The following PDZD2 variants were observed in gnomAD, a reference collection of about 807,000 sequenced individuals.
PDZD2 encodes the protein PDZ domain-containing protein 2.
In PDZD2, 90 loss-of-function variants were observed where a neutral mutation model predicts 220.7. The ratio of observed to expected loss-of-function variants is 0.41; its 90% CI spans 0.34 to 0.49. PDZD2 has a LOEUF of 0.49. Among genes scored for constraint, PDZD2 ranks in the 20% least tolerant of loss-of-function variants. PDZD2 has a pLI of 0.28. For synonymous variants in PDZD2, 1,375 were observed against 1,450.5 expected (o/e 0.95, Z 1.18); for missense variants, 3,174 against 3,608.5 (o/e 0.88, Z 3.08).
At chr5:32,013,549 C>T (rs1243602882) in intron 6 of PDZD2, among the ~76,000 whole-genome samples, 2 of 152,148 alleles carry the variant, frequency 1.3e-5, no homozygotes, top group Non-Finnish European at 2.9e-5. Flanking sequence ...TTTGTCATAA[C>T]ACACTAGATT....
At chr5:32,101,051 G>A (rs1744212880) in intron 23 of PDZD2, 54 bp from the exon 24 acceptor site, 1 of 1,610,384 alleles carries the variant, frequency 6.2e-7, no homozygotes, top group Non-Finnish European at 8.5e-7. Context: ...ACTTGGACAT[G>A]TGGCATGATG....
At chr5:32,062,039 G>A (rs921740907) in intron 14 of PDZD2, among the ~76,000 whole-genome samples, 4 of 152,148 alleles carry the variant, frequency 2.6e-5, no homozygotes, top group Non-Finnish European at 4.4e-5. Context: ...GGGATTAAAG[G>A]TGTGAGCCAC....
intron 3 of PDZD2, among the ~76,000 whole-genome samples, chr5:31,991,704 T>C (rs1751222385): frequency 6.6e-6 from 1 of 152,212 alleles, no homozygotes; most frequent in African/African-American, 2.4e-5. Flanking sequence ...TATTTTTTAC[T>C]GAACGTTGCT....
chr5:31,720,073 C>T (rs899024683), intron 1 of PDZD2, among the ~76,000 whole-genome samples: 1 of 152,248 alleles, frequency 6.6e-6, no homozygotes, highest in South Asian at 2.1e-4. Context: ...CAAGACACTA[C>T]TTTAACCTGC....
rs10652328 is a variant in PDZD2, at chr5:31,703,957, TTC to T, written c.-361+64538_-361+64539del. 2.9e-3 allele frequency among the ~76,000 whole-genome samples: 432 copies of T among 149,346 alleles called. 2 individuals carry two copies. The highest frequency in any genetic ancestry group is 0.01 in the Middle Eastern group (3 of 286). On this transcript the variant is annotated intron_variant, in intron 1 of 24. Coordinates refer to ENST00000438447, the MANE Select transcript of PDZD2 (RefSeq NM_178140.4). ...CCTCTCTCTCTCTCTTTCTCTCTCTTTCTCTCTCTCTCTCTCTCTTTCTTTCC... is the reference window on the plus strand; with the variant it reads ...CCTCTCTCTCTCTCTTTCTCTCTCTTTCTCTCTCTCTCTCTCTTTCTTTCC...
At chr5:31,964,181 C>G (rs889612765) in intron 2 of PDZD2, among the ~76,000 whole-genome samples, 1 of 152,214 alleles carries the variant, frequency 6.6e-6, no homozygotes, top group Non-Finnish European at 1.5e-5. Context: ...CACAGCAGAC[C>G]AGTTTAACTA....
intron 2 of PDZD2, among the ~76,000 whole-genome samples, chr5:31,968,241 C>G (rs1166802130): frequency 6.6e-6 from 1 of 152,072 alleles, no homozygotes; most frequent in East Asian, 1.9e-4. Flanking sequence ...GTCTGTAATC[C>G]CATCTACTCG....
intron 2 of PDZD2, among the ~76,000 whole-genome samples, chr5:31,887,941 A>C (rs1162740080): frequency 6.6e-6 from 1 of 151,790 alleles, no homozygotes; most frequent in Non-Finnish European, 1.5e-5. Context: ...TCGGGGAGGG[A>C]GTGGGAGTTG....
intron 2 of PDZD2, among the ~76,000 whole-genome samples, chr5:31,924,843 A>G (rs951942686): frequency 2.0e-5 from 3 of 152,358 alleles, no homozygotes; most frequent in Middle Eastern, 6.8e-3. Context: ...ATTGGCCCAG[A>G]AAATTCCTTA....
chr5:32,075,631 A>T (rs1581431609), intron 18 of PDZD2, among the ~76,000 whole-genome samples: 1 of 152,234 alleles, frequency 6.6e-6, no homozygotes, highest in African/African-American at 2.4e-5. Context: ...GTTCATTTTT[A>T]AAAATGTTCA....
chr5:31,774,404 A>G (rs542596211), intron 1 of PDZD2, among the ~76,000 whole-genome samples: 13 of 152,158 alleles, frequency 8.5e-5, no homozygotes, highest in South Asian at 8.3e-4. Context: ...AAAAAAGAAA[A>G]CAAAGAAGAT....
At chr5:31,774,582 G>A (rs1267516089) in intron 1 of PDZD2, among the ~76,000 whole-genome samples, 2 of 151,864 alleles carry the variant, frequency 1.3e-5, no homozygotes, top group Non-Finnish European at 2.9e-5. Context: ...CGGGTGTGGT[G>A]GTGCACGCCT....
chr5:32,014,651 GA>G (rs56868303), intron 6 of PDZD2, among the ~76,000 whole-genome samples: 32,598 of 148,796 alleles, frequency 0.22, 4,147 homozygotes, highest in Admixed American at 0.29. Context: ...TGTTCTACCT[GA>G]TTGGCAGTTC....
At chr5:31,849,105 C>A (rs1757771923) in intron 2 of PDZD2, among the ~76,000 whole-genome samples, 1 of 152,152 alleles carries the variant, frequency 6.6e-6, no homozygotes, top group Non-Finnish European at 1.5e-5. Flanking sequence ...ATGATTATTT[C>A]CCCAGGCAAT....
At chr5:32,093,284 AC>A (rs1370885854) in intron 21 of PDZD2, among the ~76,000 whole-genome samples, 2 of 152,206 alleles carry the variant, frequency 1.3e-5, no homozygotes, top group Non-Finnish European at 2.9e-5. Context: ...GCAACTAGTT[AC>A]CATTCTCCTA....
intron 2 of PDZD2, among the ~76,000 whole-genome samples, chr5:31,949,327 C>T (rs1316640653): frequency 6.6e-6 from 1 of 151,912 alleles, no homozygotes; most frequent in Non-Finnish European, 1.5e-5. Flanking sequence ...CACTTCAAAC[C>T]CCAGTTCCCC....
intron 2 of PDZD2, among the ~76,000 whole-genome samples, chr5:31,850,375 G>T (rs1580891485): frequency 7.0e-6 from 1 of 142,086 alleles, no homozygotes; most frequent in East Asian, 2.0e-4. Flanking sequence ...CATTCTCATG[G>T]CACCTTGTTT....
At chr5:32,032,421 G>A (rs1039937138) in intron 6 of PDZD2, among the ~76,000 whole-genome samples, 2 of 152,132 alleles carry the variant, frequency 1.3e-5, no homozygotes, top group East Asian at 1.9e-4. Context: ...TCTCTCGGTC[G>A]TTCCTTGGGC....
intron 2 of PDZD2, among the ~76,000 whole-genome samples, chr5:31,891,821 G>A (rs1334237869): frequency 1.3e-5 from 2 of 152,212 alleles, no homozygotes; most frequent in African/African-American, 2.4e-5. Context: ...TGGAGCCAAG[G>A]AGAGTGAAGA....
Sources: allele counts gnomAD v4.1 joint callset (sites outside exome capture counted in the v4.1 genomes callset), GRCh38; gene constraint gnomAD v4.1.1; transcripts MANE v1.5; gene names NCBI Gene and HGNC (gene_info 2026-07-23, HGNC 2026-07-21).